The following ARHGEF1 variants were observed in gnomAD, a reference collection of about 807,000 sequenced individuals.
ARHGEF1 encodes the protein Rho guanine nucleotide exchange factor 1, also known as 115 kDa guanine nucleotide exchange factor.
A neutral mutation model predicts 119.7 loss-of-function variants in ARHGEF1; 40 were observed. That is an observed-to-expected ratio of 0.33 (90% CI 0.26 to 0.44). The LOEUF is 0.44. ARHGEF1 is among the 20% of genes least tolerant of loss of function. ARHGEF1 has a pLI of 1.00. For synonymous variants in ARHGEF1, 494 were observed against 521.0 expected (o/e 0.95, Z 0.71); for missense variants, 976 against 1,268.3 (o/e 0.77, Z 3.50).
intron 1 of ARHGEF1, chr19:41,884,514 C>A: frequency 6.2e-7 from 1 of 1,605,786 alleles, no homozygotes. Context: ...CGGTCCCCAG[C>A]GGGTGTCAGA....
rs782092760 is a variant in ARHGEF1 at position 41,906,019 on chromosome 19, C to G, written c.2485C>G (p.Arg829Gly). Residue 829 changes from arginine (R) to glycine (G), a missense_variant, in exon 26 of 29, where the codon CGG becomes GGG. By Grantham distance (125) the Arg-to-Gly change is moderately radical. This residue lies in a region of ARHGEF1 where 171 missense variants were observed against 180.6 expected (regional missense o/e 0.95). Transcript: ENST00000354532. The surrounding 1 kb of genome is among the most constrained non-coding windows in gnomAD (Gnocchi z 4.5). ...PEGQLAATALRKVLSLKQLLF... is the reference protein window; with the variant it reads ...PEGQLAATALGKVLSLKQLLF... ...GGGCCAGCTCGCTGCCACGGCCCTT[C>G]GGAAAGGTAGCCCAGCTCTGCCCCT... is the stretch of plus-strand genomic sequence containing the variant. The G allele has an allele frequency of 6.2e-7, 1 of 1,613,764 alleles. No individual in the cohort carries two copies. Among genetic ancestry groups the G allele is most frequent in the Non-Finnish European group, 8.5e-7 (1 of 1,179,936 alleles).
At chr19:41,918,093 C>T (rs150733096) in intron 18 of ARHGEF1, among the ~76,000 whole-genome samples, 16 of 152,080 alleles carry the variant, frequency 1.1e-4, no homozygotes, top group African/African-American at 3.4e-4. Context: ...GGCATGCCCC[C>T]CCATCCCGGA....
At chr19:41,898,241 C>A in intron 13 of ARHGEF1, 1 of 1,320,138 alleles carries the variant, frequency 7.6e-7, no homozygotes, top group Non-Finnish European at 1.0e-6. Context: ...TGGTCACAGA[C>A]CTTGGAGGAG....
At chr19:41,926,636 T>C (rs1387177500) in intron 1 of ARHGEF1, among the ~76,000 whole-genome samples, 1 of 151,808 alleles carries the variant, frequency 6.6e-6, no homozygotes, top group Non-Finnish European at 1.5e-5. Context: ...AGGCCTGGCC[T>C]GCTGGCCTGC....
chr19:41,914,156 A>G (rs2074771990), intron 18 of ARHGEF1, among the ~76,000 whole-genome samples: 1 of 143,842 alleles, frequency 7.0e-6, no homozygotes, highest in Admixed American at 6.9e-5. Context: ...AGAGGCCCCA[A>G]CCTCAGATGC....
Position 41,903,038 on chromosome 19 carries a change from T to C in ARHGEF1, c.1738+140T>C. 1 of 761,114 alleles carries C rather than the reference T, an allele frequency of 1.3e-6. No homozygotes were observed. The highest frequency in any genetic ancestry group is 2.1e-6 in the Non-Finnish European group (1 of 485,238). 47.1% of individuals were successfully genotyped at this position (761,114 alleles called of 1,614,324 possible). On this transcript the variant is annotated intron_variant, in intron 18 of 28. Coordinates refer to ENST00000354532, the MANE Select transcript of ARHGEF1 (RefSeq NM_004706.4). This position sits in a 1 kb window ranked among gnomAD's most constrained non-coding sequence, Gnocchi z 4.2. ...GGATCTACCATCCTCCCACCTCAGC[T>C]CCCCAAGTAGCTGGGACCCCAAGGG...
chr19:41,904,082 G>C lies in ARHGEF1; in HGVS notation c.1965G>C (p.Thr655=). Residue 655 remains threonine, a synonymous_variant, in exon 21 of 29, where the codon ACG becomes ACC. Coordinates refer to ENST00000354532, the MANE Select transcript of ARHGEF1 (RefSeq NM_004706.4). The surrounding 1 kb of genome is among the most constrained non-coding windows in gnomAD (Gnocchi z 8.4). ...AATTGGTCCACGAGGGCCCACTGAC[G>C]TGGCGGGTGACTAAGGACAAGGCAG... The part of the protein sequence containing the change: ...KKKLVHEGPL[T]WRVTKDKAVE... 6.2e-7 allele frequency: 1 copy of C among 1,614,198 alleles called. No individual in the cohort carries two copies. Among genetic ancestry groups the C allele is most frequent in the Non-Finnish European group, 8.5e-7 (1 of 1,180,040 alleles).
upstream of ARHGEF1, among the ~76,000 whole-genome samples, chr19:41,921,222 C>G (rs1327680030): frequency 6.6e-6 from 1 of 151,796 alleles, no homozygotes; most frequent in South Asian, 2.1e-4. The surrounding 1 kb of genome is among the most constrained non-coding windows in gnomAD (Gnocchi z 4.4). Flanking sequence ...CCCTCAGAGA[C>G]CCAGAGAGAT....
At position 41,905,199 on chromosome 19, in the gene ARHGEF1, T is replaced by G; in HGVS notation, c.2274T>G (p.Thr758=). The change falls in exon 24 of 29, where the codon ACT becomes ACG. Residue 758 remains threonine (T), a synonymous_variant. Transcript: ENST00000354532. This position sits in a 1 kb window ranked among gnomAD's most constrained non-coding sequence, Gnocchi z 6.4. ...GCTGGTGTGCTCTCATCACTGAGAC[T>G]GCCGGATCCCTGAAAGTCCCTGCCC... ...RKNWCALITE[T]AGSLKVPAPA... is the part of the protein sequence containing the mutation. 6.2e-7 allele frequency: 1 copy of G among 1,614,066 alleles called. No individual in the cohort carries two copies.
upstream of ARHGEF1, among the ~76,000 whole-genome samples, chr19:41,918,566 CACAT>C (rs1555852144): frequency 3.4e-5 from 5 of 147,978 alleles, no homozygotes. Context: ...CACTAACCCT[CACAT>C]ACACCACACA....
intron 11 of ARHGEF1, 111 bp downstream of exon 11, chr19:41,894,772 G>A: frequency 7.6e-7 from 1 of 1,317,670 alleles, no homozygotes; most frequent in Non-Finnish European, 1.1e-6. Context: ...GCCTGGTTCT[G>A]AGGGAGGAGG....
chr19:41,914,635 G>C (rs1568831919), intron 18 of ARHGEF1, among the ~76,000 whole-genome samples: 1 of 24,082 alleles, frequency 4.2e-5, no homozygotes, highest in East Asian at 1.4e-3. Flanking sequence ...CTCTGTCTCT[G>C]TCTCTCCCTC....
chr19:41,888,544 C>G lies in ARHGEF1; in HGVS notation c.112-208C>G, dbSNP rs1314941701. 1.3e-5 allele frequency among the ~76,000 whole-genome samples: 2 copies of G among 152,206 alleles called. No homozygotes were observed. Among genetic ancestry groups the G allele is most frequent in the African/African-American group, 2.4e-5 (1 of 41,448 alleles). On this transcript the variant is annotated intron_variant, in intron 3 of 28. Coordinates refer to ENST00000354532, the MANE Select transcript of ARHGEF1 (RefSeq NM_004706.4). This position sits in a 1 kb window ranked among gnomAD's most constrained non-coding sequence, Gnocchi z 5.1. The stretch of plus-strand genomic sequence containing the variant: ...CTTCTCTCCTAATTTCTGTCCTCAT[C>G]ATCCACCATTATAATATTAAGTCTC...
Position 41,892,414 on chromosome 19 carries a change from G to A in ARHGEF1, c.367+41G>A, listed in dbSNP as rs782064845. ...GGATGAGGGAGAGGTGTCTAGCGGG[G>A]ACCACACCTCCCAGGAGGCCAAGGG... On this transcript the variant is annotated intron_variant, in intron 6 of 28. Coordinates refer to ENST00000354532, the MANE Select transcript of ARHGEF1 (RefSeq NM_004706.4). The surrounding 1 kb of genome is among the most constrained non-coding windows in gnomAD (Gnocchi z 6.3). 1 of 1,613,188 alleles carries A rather than the reference G, an allele frequency of 6.2e-7. No homozygotes were observed. Among genetic ancestry groups the A allele is most frequent in the East Asian group, 2.2e-5 (1 of 44,870 alleles).
chr19:41,917,100 C>G lies in ARHGEF1; in HGVS notation c.1866-5992C>G, dbSNP rs1750569570. Among the ~76,000 whole-genome samples the G allele has an allele frequency of 6.6e-6, 1 of 152,190 alleles. No homozygotes were observed. The highest frequency in any genetic ancestry group is 2.1e-4 in the South Asian group (1 of 4,824). The stretch of plus-strand genomic sequence containing the variant: ...TCTCGAGACACAGGTCTCTCGGTCT[C>G]TCTCAGCCCCTTCGGGTGTCGGCGC... On this transcript the variant is annotated intron_variant, in intron 18 of 20. Coordinates refer to the ARHGEF1 transcript ENST00000599589. This position sits in a 1 kb window ranked among gnomAD's most constrained non-coding sequence, Gnocchi z 4.8.
chr19:41,917,656 GCA>G lies in ARHGEF1; in HGVS notation c.1866-5426_1866-5425del, dbSNP rs543817088. Among the ~76,000 whole-genome samples, 93 of 151,310 alleles carry G rather than the reference GCA, an allele frequency of 6.1e-4. 1 individual carries two copies. The South Asian group carries it at 0.016, about 27-fold the overall frequency. On this transcript the variant is annotated intron_variant, in intron 18 of 20. Transcript: ENST00000599589. The surrounding 1 kb of genome is among the most constrained non-coding windows in gnomAD (Gnocchi z 4.8). ...CATGCCCCAAAGCACACGCACGCACGCACACACACACCCTGACTGCACCCACC... is the reference window on the plus strand; with the variant it reads ...CATGCCCCAAAGCACACGCACGCACGCACACACACCCTGACTGCACCCACC...
At chr19:41,894,595 CCACT>C in intron 10 of ARHGEF1, 27 bp from the exon 11 acceptor site, 1 of 1,614,054 alleles carries the variant, frequency 6.2e-7, no homozygotes, top group Non-Finnish European at 8.5e-7. Context: ...CCAGCTGCTC[CCACT>C]CACTGTCTCA....
intron 1 of ARHGEF1, among the ~76,000 whole-genome samples, chr19:41,887,691 C>A (rs554693141): frequency 2.6e-5 from 4 of 152,288 alleles, no homozygotes; most frequent in African/African-American, 9.6e-5. Context: ...TCCCCTCTTG[C>A]CTCTGGGCTG....
At position 41,905,391 on chromosome 19, in the gene ARHGEF1, A is replaced by G. The variant is rs1368100562; in HGVS notation, c.2336+130A>G. 20 of 803,578 alleles carry G rather than the reference A, an allele frequency of 2.5e-5. No homozygotes were observed. The highest frequency in any genetic ancestry group is 3.7e-5 in the Non-Finnish European group (19 of 509,804). 49.8% of individuals were successfully genotyped at this position (803,578 alleles called of 1,614,324 possible). ...TGTGTGAATGCATGTGTGTGCATAC[A>G]TGTGTGTCTGTACGCAAGTATGTGA... On this transcript the variant is annotated intron_variant, in intron 24 of 28. Coordinates refer to ENST00000354532, the MANE Select transcript of ARHGEF1 (RefSeq NM_004706.4). The surrounding 1 kb of genome is among the most constrained non-coding windows in gnomAD (Gnocchi z 6.4).
Sources: allele counts gnomAD v4.1 joint callset (sites outside exome capture counted in the v4.1 genomes callset), GRCh38; gene constraint gnomAD v4.1.1; regional missense constraint gnomAD v4.1.1; non-coding constraint Gnocchi (gnomAD v3.1); transcripts MANE v1.5; gene names NCBI Gene and HGNC (gene_info 2026-07-23, HGNC 2026-07-21).